Variants in DLG1 observed in about 807,000 individuals in gnomAD.
The protein encoded by DLG1 is discs large MAGUK scaffold protein 1, also known as disks large homolog 1.
A neutral mutation model predicts 123.4 loss-of-function variants in DLG1; 42 were observed. The observed-to-expected ratio is 0.34, with a 90% CI of 0.27 to 0.44. DLG1 has a LOEUF of 0.44. DLG1 is among the 20% of genes least tolerant of loss of function. DLG1 has a pLI of 1.00. For synonymous variants in DLG1, 317 were observed against 356.2 expected (o/e 0.89, Z 1.24); for missense variants, 942 against 1,082.6 (o/e 0.87, Z 1.82).
At chr3:197,180,702 C>T (rs1809770605) in intron 5 of DLG1, among the ~76,000 whole-genome samples, 3 of 151,892 alleles carry the variant, frequency 2.0e-5, no homozygotes, top group South Asian at 2.1e-4. Flanking sequence ...TCAGGGGAAT[C>T]GGGGCAGTGT....
At chr3:197,134,472 C>CAAAAAAAA (rs11319273) in intron 10 of DLG1, among the ~76,000 whole-genome samples, 8 of 96,542 alleles carry the variant, frequency 8.3e-5, no homozygotes, top group East Asian at 3.4e-4. Flanking sequence ...TTCATAATAC[C>CAAAAAAAA]AAAAAAAAAA....
intron 5 of DLG1, among the ~76,000 whole-genome samples, chr3:197,178,927 G>C (rs1808594801): frequency 6.6e-6 from 1 of 152,078 alleles, no homozygotes. Flanking sequence ...CAAGTCTAGG[G>C]GCAGTACAGA....
intron 4 of DLG1, among the ~76,000 whole-genome samples, chr3:197,196,928 GTGTA>G (rs1205099615): frequency 4.6e-5 from 7 of 152,154 alleles, no homozygotes; most frequent in African/African-American, 1.7e-4. Context: ...CATTATATAT[GTGTA>G]TGTGTGTATC....
intron 9 of DLG1, among the ~76,000 whole-genome samples, chr3:197,136,958 G>C (rs763070835): frequency 6.6e-6 from 1 of 152,096 alleles, no homozygotes; most frequent in African/African-American, 2.4e-5. Flanking sequence ...GCGAAATTAT[G>C]TTTTACTTTT....
intron 5 of DLG1, among the ~76,000 whole-genome samples, chr3:197,172,276 A>G (rs1270727816): frequency 6.6e-6 from 1 of 152,178 alleles, no homozygotes; most frequent in Non-Finnish European, 1.5e-5. Flanking sequence ...TATAATACAT[A>G]TAATTATGTA....
chr3:197,253,872 T>G (rs1755623454), intron 4 of DLG1, among the ~76,000 whole-genome samples: 1 of 152,046 alleles, frequency 6.6e-6, no homozygotes, highest in Non-Finnish European at 1.5e-5. Context: ...TTATTATTAT[T>G]TTTTTACAAA....
At chr3:197,188,551 T>C (rs911942862) in intron 5 of DLG1, among the ~76,000 whole-genome samples, 5 of 152,218 alleles carry the variant, frequency 3.3e-5, no homozygotes, top group Admixed American at 2.6e-4. Context: ...TTTATTAGAA[T>C]TGTGAAGACT....
chr3:197,269,809 A>G (rs1304817265), intron 4 of DLG1, among the ~76,000 whole-genome samples: 1 of 152,240 alleles, frequency 6.6e-6, no homozygotes, highest in East Asian at 1.9e-4. Flanking sequence ...TTTTAAAACT[A>G]TGCTATTTGA....
intron 5 of DLG1, among the ~76,000 whole-genome samples, chr3:197,159,868 T>TA (rs1180965562): frequency 2.0e-5 from 3 of 152,172 alleles, no homozygotes; most frequent in South Asian, 2.1e-4. Context: ...TATCCTCATT[T>TA]AAAAAAACAA....
chr3:197,183,876 C>T (rs1450175052), intron 5 of DLG1: 11 of 1,498,088 alleles, frequency 7.3e-6, no homozygotes, highest in African/African-American at 1.4e-5. Context: ...GGTGAATGAT[C>T]GGTAAAAACT....
At chr3:197,126,248 G>A (rs1468729042) in intron 11 of DLG1, among the ~76,000 whole-genome samples, 1 of 152,054 alleles carries the variant, frequency 6.6e-6, no homozygotes, top group Non-Finnish European at 1.5e-5. Flanking sequence ...GGCCGAAGTG[G>A]GTGGATCATC....
chr3:197,126,236 G>A (rs1414827281), intron 11 of DLG1, among the ~76,000 whole-genome samples: 8 of 152,150 alleles, frequency 5.3e-5, no homozygotes, highest in Non-Finnish European at 1.0e-4. Context: ...AGCGCTTTGG[G>A]AGGCCGAAGT....
intron 4 of DLG1, chr3:197,260,338 G>T: frequency 2.5e-6 from 1 of 395,848 alleles, no homozygotes; most frequent in Non-Finnish European, 4.9e-6. Context: ...ATTTTAAGTT[G>T]CCTAGTTGAA....
chr3:197,183,710 T>C, intron 5 of DLG1: 2 of 1,550,602 alleles, frequency 1.3e-6, no homozygotes, highest in Non-Finnish European at 1.7e-6. Flanking sequence ...TTGCCCAGTG[T>C]TTCTGCTTTG....
intron 14 of DLG1, among the ~76,000 whole-genome samples, chr3:197,096,155 C>T (rs987994078): frequency 3.3e-5 from 5 of 152,168 alleles, no homozygotes; most frequent in African/African-American, 9.7e-5. Context: ...TACACACTGA[C>T]GTAGATATTT....
intron 11 of DLG1, among the ~76,000 whole-genome samples, chr3:197,126,707 A>C (rs566861156): frequency 6.6e-6 from 1 of 152,358 alleles, no homozygotes; most frequent in South Asian, 2.1e-4. Flanking sequence ...ACACAAAAGA[A>C]GTATAAGACA....
At chr3:197,109,256 G>A (rs537269080) in intron 13 of DLG1, among the ~76,000 whole-genome samples, 1 of 152,304 alleles carries the variant, frequency 6.6e-6, no homozygotes, top group South Asian at 2.1e-4. Context: ...CTGCAGCCCA[G>A]CTACTCGGGA....
At chr3:197,112,773 T>G (rs1311167043) in intron 13 of DLG1, among the ~76,000 whole-genome samples, 1 of 152,098 alleles carries the variant, frequency 6.6e-6, no homozygotes, top group Admixed American at 6.6e-5. Context: ...AAAAAATTTT[T>G]TTTTTAAAGA....
intron 5 of DLG1, among the ~76,000 whole-genome samples, chr3:197,155,564 G>A (rs958136527): frequency 1.3e-5 from 2 of 151,884 alleles, no homozygotes; most frequent in Non-Finnish European, 1.5e-5. Context: ...TGTAACAATG[G>A]TTATGTAAAT....
Sources: allele counts gnomAD v4.1 joint callset (sites outside exome capture counted in the v4.1 genomes callset), GRCh38; gene constraint gnomAD v4.1.1; transcripts MANE v1.5; gene names NCBI Gene and HGNC (gene_info 2026-07-23, HGNC 2026-07-21).